TMEM117: variants seen among roughly 807,000 people sequenced by gnomAD.
TMEM117 encodes transmembrane protein 117.
Under a neutral mutation model 52.4 loss-of-function variants are expected in TMEM117, and 27 were observed. That is an observed-to-expected ratio of 0.51 (90% CI 0.38 to 0.71). TMEM117 has a LOEUF of 0.71. Among genes scored for constraint, TMEM117 ranks in the 30% least tolerant of loss-of-function variants. The probability of loss-of-function intolerance (pLI) is 0.00; values close to 1 mark genes in which losing one functional copy is unlikely to be tolerated. For missense variants in TMEM117, 556 were observed against 630.5 expected (o/e 0.88, Z 1.26); for synonymous variants, 215 against 206.3 (o/e 1.04, Z -0.36).
chr12:43,800,229 T>C, the TMEM117 span, among the ~76,000 whole-genome samples: 60 of 152,330 alleles, frequency 3.9e-4, no homozygotes, highest in African/African-American at 1.3e-3. Context: ...TCAATATCAC[T>C]TGTCAATGTC....
At chr12:44,016,570 A>G (rs1946377018) in intron 3 of TMEM117, among the ~76,000 whole-genome samples, 1 of 152,104 alleles carries the variant, frequency 6.6e-6, no homozygotes, top group Non-Finnish European at 1.5e-5. Context: ...CATTTCAATC[A>G]ATGAGTGTTT....
intron 3 of TMEM117, among the ~76,000 whole-genome samples, chr12:43,986,452 C>A (rs1447727049): frequency 6.6e-6 from 1 of 152,002 alleles, no homozygotes; most frequent in Non-Finnish European, 1.5e-5. Context: ...CTTTGTTGTC[C>A]TATGGCATCT....
chr12:44,381,560 A>G (rs1296633592), intron 7 of TMEM117, among the ~76,000 whole-genome samples: 23 of 152,194 alleles, frequency 1.5e-4, no homozygotes, highest in Admixed American at 1.5e-3. Flanking sequence ...GCAAAAGGCC[A>G]GAAGGAAGGC....
chr12:43,980,312 A>G (rs532583218), intron 3 of TMEM117, among the ~76,000 whole-genome samples: 62 of 152,246 alleles, frequency 4.1e-4, no homozygotes, highest in Non-Finnish European at 7.2e-4. Flanking sequence ...ATAATGTTAG[A>G]GTTGTTACTG....
At chr12:44,104,650 T>C (rs1038321507) in intron 3 of TMEM117, among the ~76,000 whole-genome samples, 11 of 152,142 alleles carry the variant, frequency 7.2e-5, no homozygotes, top group African/African-American at 2.6e-4. Flanking sequence ...TTAACATTTC[T>C]TGCAAGGCAG....
intron 3 of TMEM117, among the ~76,000 whole-genome samples, chr12:44,105,142 G>C (rs1303388063): frequency 6.6e-6 from 1 of 151,470 alleles, no homozygotes. Context: ...CATAGTTTTT[G>C]GATGTTCTGT....
chr12:43,953,922 A>T (rs1265542312), intron 3 of TMEM117, among the ~76,000 whole-genome samples: 2 of 152,230 alleles, frequency 1.3e-5, no homozygotes, highest in Non-Finnish European at 2.9e-5. Context: ...ACTCCTCAGC[A>T]AATGCAAAAG....
At chr12:44,317,704 C>T (rs575643645) in intron 6 of TMEM117, among the ~76,000 whole-genome samples, 2 of 152,308 alleles carry the variant, frequency 1.3e-5, no homozygotes, top group African/African-American at 4.8e-5. Flanking sequence ...TTATGTTGGA[C>T]TGTGTGGTTC....
intron 3 of TMEM117, among the ~76,000 whole-genome samples, chr12:44,120,598 T>C (rs930715001): frequency 6.6e-6 from 1 of 152,198 alleles, no homozygotes; most frequent in Admixed American, 6.5e-5. Flanking sequence ...CCTGTAGACA[T>C]TGTCTGATTT....
chr12:44,039,783 C>G (rs1946768667), intron 3 of TMEM117, among the ~76,000 whole-genome samples: 1 of 152,082 alleles, frequency 6.6e-6, no homozygotes, highest in Non-Finnish European at 1.5e-5. Context: ...ACGCCACCCT[C>G]TTCTAGAATA....
chr12:43,964,660 A>T (rs1945456469), intron 3 of TMEM117, among the ~76,000 whole-genome samples: 1 of 152,196 alleles, frequency 6.6e-6, no homozygotes, highest in African/African-American at 2.4e-5. Context: ...AATTGAACAG[A>T]GGAGAAATCT....
chr12:43,835,035 G>A (rs1432277383), upstream of TMEM117, among the ~76,000 whole-genome samples: 10 of 152,100 alleles, frequency 6.6e-5, no homozygotes, highest in Admixed American at 6.5e-4. Flanking sequence ...TGCTAATATG[G>A]GCATATAGAA....
At chr12:44,102,743 G>A (rs1423100708) in intron 3 of TMEM117, among the ~76,000 whole-genome samples, 1 of 151,932 alleles carries the variant, frequency 6.6e-6, no homozygotes, top group Non-Finnish European at 1.5e-5. Flanking sequence ...AGGATGATAT[G>A]GTTTGGCTGT....
intron 5 of TMEM117, among the ~76,000 whole-genome samples, chr12:44,231,532 C>T (rs1013938242): frequency 1.3e-5 from 2 of 151,702 alleles, no homozygotes; most frequent in Non-Finnish European, 3.0e-5. Flanking sequence ...CATATTTTCA[C>T]CTTCACTAGA....
intron 5 of TMEM117, among the ~76,000 whole-genome samples, chr12:44,226,848 G>A (rs1949868260): frequency 6.6e-6 from 1 of 152,078 alleles, no homozygotes; most frequent in Admixed American, 6.6e-5. Context: ...CCCTGGAATG[G>A]AGAGAAAATA....
intron 6 of TMEM117, among the ~76,000 whole-genome samples, chr12:44,323,735 G>C (rs1238017087): frequency 6.6e-6 from 1 of 152,144 alleles, no homozygotes; most frequent in African/African-American, 2.4e-5. Flanking sequence ...TTTAAGAATA[G>C]ATTTCTTACC....
intron 5 of TMEM117, among the ~76,000 whole-genome samples, chr12:44,265,472 G>T (rs1479790334): frequency 6.6e-6 from 1 of 152,194 alleles, no homozygotes; most frequent in Non-Finnish European, 1.5e-5. Flanking sequence ...AGTAATTCCA[G>T]TTAGAAGGCT....
chr12:43,939,067 C>T (rs1014603609), intron 2 of TMEM117, among the ~76,000 whole-genome samples: 1 of 151,814 alleles, frequency 6.6e-6, no homozygotes, highest in African/African-American at 2.4e-5. Flanking sequence ...ATAAAGAATC[C>T]TTATAATTTA....
chr12:44,139,314 A>T (rs1361197372), intron 3 of TMEM117, among the ~76,000 whole-genome samples: 6 of 152,142 alleles, frequency 3.9e-5, no homozygotes, highest in African/African-American at 1.4e-4. Context: ...GTTGCTAGTG[A>T]TCAAGACCCT....
Sources: gnomAD v4.1 joint callset for allele counts (sites outside exome capture counted in the v4.1 genomes callset) on GRCh38, gnomAD v4.1.1 for gene constraint, MANE v1.5 for transcripts, NCBI Gene and HGNC (gene_info 2026-07-23, HGNC 2026-07-21) for gene names.